CCDC39: variants seen among roughly 807,000 people sequenced by gnomAD.
CCDC39 encodes coiled-coil domain 39 molecular ruler complex subunit.
CCDC39 carries 113 observed loss-of-function variants against 121.0 expected under a neutral mutation model. That is an observed-to-expected ratio of 0.93 (90% CI 0.80 to 1.09). The LOEUF is 1.09. CCDC39 is among the 50% of genes least tolerant of loss of function. CCDC39 has a pLI of 0.00. For missense variants in CCDC39, 1,063 were observed against 1,074.7 expected (o/e 0.99, Z 0.15); for synonymous variants, 349 against 352.2 (o/e 0.99, Z 0.10).
At chr3:180,643,972 G>C in intron 12 of CCDC39, 148 bp downstream of exon 12, 1 of 531,010 alleles carries the variant, frequency 1.9e-6, no homozygotes, top group Non-Finnish European at 3.0e-6. Context: ...AGACTGGAGG[G>C]AAATTATAGA....
intron 1 of CCDC39, among the ~76,000 whole-genome samples, chr3:180,673,233 G>C (rs1712098615): frequency 6.6e-6 from 1 of 152,214 alleles, no homozygotes; most frequent in Non-Finnish European, 1.5e-5. Context: ...TTGGAGAATT[G>C]ACTCCACCTT....
At chr3:180,648,120 C>G (rs1306662829) in intron 10 of CCDC39, 45 bp downstream of exon 10, 2 of 1,470,042 alleles carry the variant, frequency 1.4e-6, no homozygotes, top group Non-Finnish European at 1.9e-6. Context: ...ACCATCACAA[C>G]TGTAATAAAT....
intron 1 of CCDC39, among the ~76,000 whole-genome samples, chr3:180,667,640 G>A (rs942916777): frequency 6.6e-6 from 1 of 151,910 alleles, no homozygotes; most frequent in Non-Finnish European, 1.5e-5. Flanking sequence ...CACTGATCAG[G>A]CCTCCCTCAT....
rs1265351122 is a variant in CCDC39 at position 180,614,672 on chromosome 3, A to G, written c.*249T>C. ...CTAACACTACGAACATCAGAATTACAGTGAAATACAGCATTTTTCCTATGC... is the reference window on the plus strand; with the variant it reads ...CTAACACTACGAACATCAGAATTACGGTGAAATACAGCATTTTTCCTATGC... On this transcript the variant is annotated 3_prime_UTR_variant, in exon 20 of 20. Transcript: ENST00000476379. 7.9e-6 allele frequency: 3 copies of G among 379,804 alleles called. No individual in the cohort carries two copies. The highest frequency in any genetic ancestry group is 6.4e-5 in the African/African-American group (3 of 47,128). 23.5% of individuals were successfully genotyped at this position (379,804 alleles called of 1,614,324 possible).
intron 6 of CCDC39, among the ~76,000 whole-genome samples, chr3:180,657,443 G>A (rs547664868): frequency 2.2e-4 from 33 of 152,246 alleles, no homozygotes; most frequent in Admixed American, 5.9e-4. Context: ...CTTGGATCTC[G>A]CACATGACTG....
At chr3:180,660,540 A>G (rs1388942010) in intron 4 of CCDC39, 30 bp downstream of exon 4, 1 of 1,531,990 alleles carries the variant, frequency 6.5e-7, no homozygotes, top group African/African-American at 1.4e-5. Context: ...GTTAGAGAAA[A>G]CCTAACAGTT....
At chr3:180,622,033 A>G (rs1006603343) in intron 14 of CCDC39, among the ~76,000 whole-genome samples, 5 of 152,154 alleles carry the variant, frequency 3.3e-5, no homozygotes, top group African/African-American at 4.8e-5. Flanking sequence ...TTTTACCAAT[A>G]TTAATTCTTC....
At chr3:180,670,457 G>A (rs1256409076) in intron 1 of CCDC39, among the ~76,000 whole-genome samples, 2 of 151,982 alleles carry the variant, frequency 1.3e-5, no homozygotes. Context: ...TCACCTACAA[G>A]TAAAATGGTC....
At chr3:180,650,872 A>G (rs1421066408) in intron 9 of CCDC39, among the ~76,000 whole-genome samples, 2 of 151,784 alleles carry the variant, frequency 1.3e-5, no homozygotes, top group Non-Finnish European at 2.9e-5. Context: ...AATAAAATAA[A>G]ATAAAATAAA....
In CCDC39 at chr3:180,644,207, T is replaced by C. The variant is rs1192316779; in HGVS notation, c.1578A>G (p.Lys526=). ...KKAHSKNSDE[K]QSLMTKINEL... ...CATTTATTTTGGTCATAAGGGACTG[T>C]TTTTCATCACTGTTTTTACTATGTG... is the stretch of plus-strand genomic sequence containing the variant. The change falls in exon 12 of 20, where the codon AAA becomes AAG. Residue 526 remains lysine, a synonymous_variant. Transcript: ENST00000476379. The C allele has an allele frequency of 9.1e-6, 14 of 1,542,158 alleles. No individual in the cohort carries two copies. The Middle Eastern group carries it at 6.7e-4, about 74-fold the overall frequency.
chr3:180,663,835 G>A (rs1351729959), intron 2 of CCDC39, 32 bp downstream of exon 2: 13 of 1,603,072 alleles, frequency 8.1e-6, no homozygotes, highest in East Asian at 6.7e-5. Flanking sequence ...ATGACTACAC[G>A]ATATAATCAA....
chr3:180,618,495 G>A (rs751056092), intron 16 of CCDC39, among the ~76,000 whole-genome samples: 35 of 152,034 alleles, frequency 2.3e-4, no homozygotes, highest in Admixed American at 7.2e-4. Context: ...CCATGTTGGT[G>A]TGCTGCACCC....
chr3:180,635,704 G>A (rs959041017), intron 13 of CCDC39, among the ~76,000 whole-genome samples: 2 of 152,182 alleles, frequency 1.3e-5, no homozygotes, highest in Non-Finnish European at 2.9e-5. Context: ...TGCCCCTGTG[G>A]CTTTTTAGGG....
chr3:180,679,256 C>G lies in CCDC39; in HGVS notation c.90+35G>C, dbSNP rs756620251. On this transcript the variant is annotated intron_variant, in intron 1 of 19. Transcript: ENST00000476379. This position sits in a 1 kb window ranked among gnomAD's most constrained non-coding sequence, Gnocchi z 4.0. ...CCAGAAAACGCCCCCAACAGGCTCT[C>G]TCTGCTTCCTCCCGCCTGCTTCAAT... is the stretch of plus-strand genomic sequence containing the variant. The G allele has an allele frequency of 1.3e-6, 2 of 1,574,040 alleles. No homozygotes were observed. Among genetic ancestry groups the G allele is most frequent in the Admixed American group, 1.7e-5 (1 of 59,964 alleles).
In CCDC39 at chr3:180,665,092, G is replaced by A. The variant is rs566345737; in HGVS notation, c.91-1106C>T. ...GCAGGAACCATAAATGTGAATAGTCGCAAGGCATCAAGCATGATTTCTTCT... is the reference window on the plus strand; with the variant it reads ...GCAGGAACCATAAATGTGAATAGTCACAAGGCATCAAGCATGATTTCTTCT... On this transcript the variant is annotated intron_variant, in intron 1 of 19. Coordinates refer to ENST00000476379, the MANE Select transcript of CCDC39 (RefSeq NM_181426.2). Among the ~76,000 whole-genome samples, 90 of 152,170 alleles carry A rather than the reference G, an allele frequency of 5.9e-4. 3 individuals are homozygous for A. The South Asian group carries it at 0.017, about 28-fold the overall frequency.
rs79374277 is a variant in CCDC39, at chr3:180,618,168, A to C, written c.2265+1091T>G. On this transcript the variant is annotated intron_variant, in intron 16 of 19. Coordinates refer to ENST00000476379, the MANE Select transcript of CCDC39 (RefSeq NM_181426.2). ...GTGTAAGTACACTCTTATGATGTTC[A>C]CACAGTGACAAAATCGCCCAAGGAT... 4.4e-4 allele frequency among the ~76,000 whole-genome samples: 67 copies of C among 152,304 alleles called. 1 individual carries two copies. The East Asian group carries it at 9.6e-3, about 22-fold the overall frequency.
intron 14 of CCDC39, among the ~76,000 whole-genome samples, chr3:180,628,287 T>G (rs967161126): frequency 6.6e-6 from 1 of 152,190 alleles, no homozygotes; most frequent in African/African-American, 2.4e-5. Context: ...CTTGGCTCAC[T>G]GCAAGCTCCG....
At chr3:180,628,506 C>T (rs1259119241) in intron 14 of CCDC39, among the ~76,000 whole-genome samples, 4 of 152,160 alleles carry the variant, frequency 2.6e-5, no homozygotes, top group Non-Finnish European at 5.9e-5. Flanking sequence ...TGCACCTGGC[C>T]TGAGACATAT....
intron 9 of CCDC39, among the ~76,000 whole-genome samples, chr3:180,649,315 G>GT (rs2108422522): frequency 6.6e-6 from 1 of 152,182 alleles, no homozygotes; most frequent in African/African-American, 2.4e-5. Flanking sequence ...CAACCAATGT[G>GT]TTCTAGGCTT....
Sources: allele counts gnomAD v4.1 joint callset (sites outside exome capture counted in the v4.1 genomes callset), GRCh38; gene constraint gnomAD v4.1.1; non-coding constraint Gnocchi (gnomAD v3.1); transcripts MANE v1.5; gene names NCBI Gene and HGNC (gene_info 2026-07-23, HGNC 2026-07-21).